CDK14: variants seen among roughly 807,000 people sequenced by gnomAD.
CDK14 encodes the protein cyclin-dependent kinase 14.
Under a neutral mutation model 60.7 loss-of-function variants are expected in CDK14, and 34 were observed. The ratio of observed to expected loss-of-function variants is 0.56; its 90% CI spans 0.43 to 0.75. CDK14 has a LOEUF of 0.75. CDK14 is among the 30% of genes least tolerant of loss of function. The pLI, the probability that CDK14 is intolerant of heterozygous loss-of-function variation, is 0.00. For missense variants in CDK14, 482 were observed against 564.1 expected (o/e 0.85, Z 1.47); for synonymous variants, 197 against 203.7 (o/e 0.97, Z 0.28).
At chr7:90,944,383 G>A (rs1349272956) in intron 8 of CDK14, among the ~76,000 whole-genome samples, 1 of 152,144 alleles carries the variant, frequency 6.6e-6, no homozygotes, top group East Asian at 1.9e-4. Context: ...CAGTTTATCA[G>A]TAGACTTACT....
intron 14 of CDK14, among the ~76,000 whole-genome samples, chr7:91,174,140 TCCCTGAC>T (rs1019211491): frequency 6.6e-6 from 1 of 151,906 alleles, no homozygotes; most frequent in Admixed American, 6.6e-5. Flanking sequence ...CTCAAGTGGG[TCCCTGAC>T]CCCTGACCCC....
intron 2 of CDK14, among the ~76,000 whole-genome samples, chr7:90,637,508 T>A (rs989317966): frequency 6.6e-6 from 1 of 151,724 alleles, no homozygotes; most frequent in African/African-American, 2.4e-5. Flanking sequence ...GATAGTTTGT[T>A]ATAATTTCTG....
At chr7:90,837,669 G>A (rs3808237) in intron 5 of CDK14, among the ~76,000 whole-genome samples, 10,858 of 152,098 alleles carry the variant, frequency 0.071, 504 homozygotes, top group South Asian at 0.11. Flanking sequence ...TATCAGAGAT[G>A]GACTTAGAAG....
At chr7:90,791,633 C>G (rs916955020) in intron 5 of CDK14, among the ~76,000 whole-genome samples, 1 of 152,126 alleles carries the variant, frequency 6.6e-6, no homozygotes, top group Non-Finnish European at 1.5e-5. Flanking sequence ...TCTATTTCTA[C>G]TCTCTCACCT....
intron 14 of CDK14, among the ~76,000 whole-genome samples, chr7:91,139,807 TTTC>T (rs1488856692): frequency 6.2e-5 from 9 of 146,136 alleles, no homozygotes; most frequent in South Asian, 2.1e-4. Context: ...TCTTTCTTTC[TTTC>T]TTTCTTTTCT....
intron 4 of CDK14, among the ~76,000 whole-genome samples, chr7:90,787,616 C>T (rs993594104): frequency 1.3e-5 from 2 of 152,002 alleles, no homozygotes; most frequent in South Asian, 2.1e-4. Flanking sequence ...CCAAGAAGGT[C>T]CTAGATACTG....
At chr7:91,205,521 CA>C (rs1390000885) in intron 14 of CDK14, among the ~76,000 whole-genome samples, 1 of 152,082 alleles carries the variant, frequency 6.6e-6, no homozygotes, top group Non-Finnish European at 1.5e-5. Context: ...TAATAGTTGT[CA>C]GGGGCTGGGA....
intron 5 of CDK14, among the ~76,000 whole-genome samples, chr7:90,796,798 G>A (rs763092814): frequency 6.6e-6 from 1 of 151,868 alleles, no homozygotes; most frequent in Non-Finnish European, 1.5e-5. Context: ...GAATGTGGGA[G>A]TGCAGCTCAC....
At chr7:90,983,977 T>A (rs1277772685) in intron 9 of CDK14, among the ~76,000 whole-genome samples, 171 bp from the exon 10 acceptor site, 1 of 152,188 alleles carries the variant, frequency 6.6e-6, no homozygotes, top group Non-Finnish European at 1.5e-5. Context: ...AATATACCCA[T>A]GTAACAAACC....
At chr7:90,913,529 C>G (rs1360870595) in intron 7 of CDK14, among the ~76,000 whole-genome samples, 2 of 152,084 alleles carry the variant, frequency 1.3e-5, no homozygotes, top group East Asian at 3.8e-4. Flanking sequence ...CCCAGTAACC[C>G]AATGTGAATA....
At chr7:90,787,807 A>T (rs1490753715) in intron 4 of CDK14, among the ~76,000 whole-genome samples, 1 of 152,228 alleles carries the variant, frequency 6.6e-6, no homozygotes, top group Non-Finnish European at 1.5e-5. Flanking sequence ...TTCATGGAGA[A>T]TTCAGAATAT....
rs966752306 is a variant in CDK14, at chr7:91,013,720, A to G, written c.1041+29479A>G. On this transcript the variant is annotated intron_variant, in intron 10 of 14. Coordinates refer to ENST00000380050, the MANE Select transcript of CDK14 (RefSeq NM_001287135.2). ...CTCCTTGATTTACCTTAAGTTAAGA[A>G]AGAGTGGTTCTGAGTTAGGAGAATC... Among the ~76,000 whole-genome samples, 20 of 149,830 alleles carry G rather than the reference A, an allele frequency of 1.3e-4. 1 individual carries two copies. The highest frequency in any genetic ancestry group is 6.7e-5 in the Admixed American group (1 of 14,950).
chr7:90,782,784 G>A (rs747391242), intron 4 of CDK14, among the ~76,000 whole-genome samples: 1 of 152,142 alleles, frequency 6.6e-6, no homozygotes, highest in African/African-American at 2.4e-5. Context: ...GAATCAGAGA[G>A]TAAAACTCAC....
chr7:91,150,019 C>A (rs1045343183), intron 14 of CDK14, among the ~76,000 whole-genome samples: 1 of 152,148 alleles, frequency 6.6e-6, no homozygotes, highest in Admixed American at 6.5e-5. Context: ...GCCACGGTTA[C>A]AGAGCAAGCA....
intron 5 of CDK14, among the ~76,000 whole-genome samples, chr7:90,809,502 G>A (rs560772767): frequency 6.6e-6 from 1 of 151,852 alleles, no homozygotes; most frequent in Non-Finnish European, 1.5e-5. Flanking sequence ...AGCACTAAAT[G>A]CCCACAAGAG....
At chr7:90,673,587 T>A (rs565917073) in intron 2 of CDK14, among the ~76,000 whole-genome samples, 390 of 152,328 alleles carry the variant, frequency 2.6e-3, no homozygotes, top group Middle Eastern at 0.01. Context: ...TGGTTAAGTC[T>A]ATTGCTCAGA....
chr7:91,020,747 T>G (rs1023214463), intron 10 of CDK14, among the ~76,000 whole-genome samples: 4 of 152,202 alleles, frequency 2.6e-5, no homozygotes, highest in African/African-American at 4.8e-5. Flanking sequence ...TACCACAAAC[T>G]TAGTGGCTTA....
At chr7:90,655,561 A>G (rs562512786) in intron 2 of CDK14, among the ~76,000 whole-genome samples, 15 of 152,356 alleles carry the variant, frequency 9.8e-5, no homozygotes, top group African/African-American at 3.6e-4. Flanking sequence ...ATTAGAGTTG[A>G]AATACAAACT....
At chr7:90,654,991 C>T (rs1031602694) in intron 2 of CDK14, among the ~76,000 whole-genome samples, 3 of 152,186 alleles carry the variant, frequency 2.0e-5, no homozygotes, top group African/African-American at 7.2e-5. Flanking sequence ...TTCATTTCTC[C>T]TTCTCTGCCC....
Sources: gnomAD v4.1 joint callset for allele counts (sites outside exome capture counted in the v4.1 genomes callset) on GRCh38, gnomAD v4.1.1 for gene constraint, MANE v1.5 for transcripts, NCBI Gene and HGNC (gene_info 2026-07-23, HGNC 2026-07-21) for gene names.